The following NRXN1 variants were observed in gnomAD, a reference collection of about 807,000 sequenced individuals.
The protein encoded by NRXN1 is neurexin-1.
A neutral mutation model predicts 150.9 loss-of-function variants in NRXN1; 39 were observed. The observed-to-expected ratio is 0.26, with a 90% CI of 0.20 to 0.34. The LOEUF is 0.34. NRXN1 is among the 10% of genes least tolerant of loss of function. NRXN1 has a pLI of 1.00. For synonymous variants in NRXN1, 924 were observed against 757.0 expected (o/e 1.22, Z -3.62); for missense variants, 1,815 against 1,949.9 (o/e 0.93, Z 1.30).
intron 15 of NRXN1, among the ~76,000 whole-genome samples, chr2:50,495,378 GTGGTGTGT>G (rs1377996615): frequency 1.9e-3 from 16 of 8,586 alleles, no homozygotes; most frequent in African/African-American, 5.9e-3. Flanking sequence ...GTGTGTGTGT[GTGGTGTGT>G]GTGTGTGTGT....
intron 8 of NRXN1, among the ~76,000 whole-genome samples, chr2:50,569,869 T>G (rs1349903124): frequency 6.6e-6 from 1 of 152,086 alleles, no homozygotes; most frequent in Non-Finnish European, 1.5e-5. Context: ...ACATTTTAGC[T>G]CTCCACATTA....
intron 15 of NRXN1, among the ~76,000 whole-genome samples, chr2:50,486,353 C>G (rs144937328): frequency 1.3e-5 from 2 of 152,212 alleles, no homozygotes; most frequent in African/African-American, 4.8e-5. Context: ...GTTTTTCTCA[C>G]GAAAACACTC....
chr2:50,238,772 C>T (rs986506739), intron 17 of NRXN1, among the ~76,000 whole-genome samples: 3 of 151,954 alleles, frequency 2.0e-5, no homozygotes, highest in Non-Finnish European at 4.4e-5. Flanking sequence ...ATTCCAAAGA[C>T]CTCTGCAATA....
chr2:50,348,327 C>T (rs1312657201), intron 17 of NRXN1, among the ~76,000 whole-genome samples: 2 of 151,846 alleles, frequency 1.3e-5, no homozygotes. Context: ...TTGGCAGCTG[C>T]AGAAGAGGCA....
At chr2:51,014,532 T>C (rs534354131) in intron 2 of NRXN1, among the ~76,000 whole-genome samples, 2 of 152,134 alleles carry the variant, frequency 1.3e-5, no homozygotes, top group Non-Finnish European at 2.9e-5. Flanking sequence ...AAATATGACA[T>C]TGCATTAGCT....
At chr2:50,312,769 A>T (rs775833765) in intron 17 of NRXN1, 1 of 516,318 alleles carries the variant, frequency 1.9e-6, no homozygotes, top group South Asian at 1.4e-5. Flanking sequence ...AATTTCAGCT[A>T]CTTCATTTAT....
chr2:50,792,189 G>A (rs1164686342), intron 5 of NRXN1, among the ~76,000 whole-genome samples: 1 of 152,100 alleles, frequency 6.6e-6, no homozygotes, highest in Non-Finnish European at 1.5e-5. Flanking sequence ...CTAGAATTAT[G>A]TACGAGAAAA....
At chr2:50,961,934 G>A (rs1356927503) in intron 2 of NRXN1, among the ~76,000 whole-genome samples, 3 of 149,756 alleles carry the variant, frequency 2.0e-5, no homozygotes, top group Non-Finnish European at 3.0e-5. Context: ...TATTACAACT[G>A]AGAATAATTT....
intron 17 of NRXN1, among the ~76,000 whole-genome samples, chr2:50,288,939 G>A (rs1273925665): frequency 6.6e-6 from 1 of 152,134 alleles, no homozygotes; most frequent in Non-Finnish European, 1.5e-5. Flanking sequence ...AGAGATTGTA[G>A]GGAAAGAGCA....
At chr2:50,107,739 T>G (rs1283043557) in intron 18 of NRXN1, among the ~76,000 whole-genome samples, 1 of 151,810 alleles carries the variant, frequency 6.6e-6, no homozygotes, top group Non-Finnish European at 1.5e-5. Flanking sequence ...CTAGATAGTT[T>G]ATGTCTCAGT....
chr2:50,285,247 A>T (rs1206637217), intron 17 of NRXN1, among the ~76,000 whole-genome samples: 4 of 152,130 alleles, frequency 2.6e-5, no homozygotes, highest in African/African-American at 9.7e-5. Flanking sequence ...AAGCTTTATG[A>T]ATTTTTTATT....
chr2:50,948,595 G>C (rs1361562457), intron 2 of NRXN1, among the ~76,000 whole-genome samples: 1 of 151,974 alleles, frequency 6.6e-6, no homozygotes, highest in Non-Finnish European at 1.5e-5. Context: ...ATTAGCATTA[G>C]AATTCTGATG....
At chr2:50,866,384 TG>T (rs745806288) in intron 5 of NRXN1, among the ~76,000 whole-genome samples, 1 of 151,934 alleles carries the variant, frequency 6.6e-6, no homozygotes, top group African/African-American at 2.4e-5. Context: ...GCAGTTAAAT[TG>T]ATTAATTGTT....
At chr2:49,925,555 C>A (rs1347840728) in intron 22 of NRXN1, among the ~76,000 whole-genome samples, 1 of 151,860 alleles carries the variant, frequency 6.6e-6, no homozygotes, top group Admixed American at 6.6e-5. Flanking sequence ...TAAATGCAGT[C>A]ATCTCATCCA....
intron 18 of NRXN1, among the ~76,000 whole-genome samples, chr2:50,165,805 A>G (rs2059646175): frequency 6.6e-6 from 1 of 152,204 alleles, no homozygotes; most frequent in Admixed American, 6.5e-5. Flanking sequence ...AAACAATGAT[A>G]TTATTACTTA....
chr2:50,458,772 G>T (rs956288824), intron 17 of NRXN1, among the ~76,000 whole-genome samples: 21 of 151,972 alleles, frequency 1.4e-4, no homozygotes, highest in Admixed American at 1.2e-3. Flanking sequence ...AGTAGAGATG[G>T]TGTTTCACCA....
chr2:50,907,194 A>G (rs948813776), intron 5 of NRXN1, among the ~76,000 whole-genome samples: 1 of 151,968 alleles, frequency 6.6e-6, no homozygotes, highest in African/African-American at 2.4e-5. Flanking sequence ...ACCAAAAAAA[A>G]AAACAAAAAA....
At chr2:50,217,661 T>A (rs1044009694) in intron 18 of NRXN1, among the ~76,000 whole-genome samples, 7 of 151,964 alleles carry the variant, frequency 4.6e-5, no homozygotes, top group Admixed American at 1.3e-4. Context: ...ATTCTGTGGG[T>A]CTGTGGAGCA....
At chr2:50,384,516 A>AAAT (rs576763174) in intron 17 of NRXN1, among the ~76,000 whole-genome samples, 4 of 116,360 alleles carry the variant, frequency 3.4e-5, no homozygotes, top group Non-Finnish European at 8.1e-5. Context: ...AAAAAAAAAA[A>AAAT]AAAAAAAAAA....
Sources: gnomAD v4.1 joint callset for allele counts (sites outside exome capture counted in the v4.1 genomes callset) on GRCh38, gnomAD v4.1.1 for gene constraint, MANE v1.5 for transcripts, NCBI Gene and HGNC (gene_info 2026-07-23, HGNC 2026-07-21) for gene names.